Variants in KIRREL3 observed in about 807,000 individuals in gnomAD.
KIRREL3 encodes kirre like nephrin family adhesion molecule 3, also known as kin of IRRE-like protein 3.
In KIRREL3, 36 loss-of-function variants were observed where a neutral mutation model predicts 89.7. The observed-to-expected ratio is 0.40, with a 90% CI of 0.31 to 0.53. The LOEUF (loss-of-function observed/expected upper bound fraction) is 0.53, where lower values mean the gene tolerates loss of function less well. KIRREL3 is among the 20% of genes least tolerant of loss of function. The pLI, the probability that KIRREL3 is intolerant of heterozygous loss-of-function variation, is 0.49. For synonymous variants in KIRREL3, 445 were observed against 441.4 expected, an observed-to-expected ratio of 1.01 and a Z score of -0.10; for missense variants, 864 against 1,056.6, an observed-to-expected ratio of 0.82 and a Z score of 2.53.
rs1414844497 is a variant in KIRREL3 at position 126,427,052 on chromosome 11, C to T, written c.1807-1328G>A. On this transcript the variant is annotated intron_variant, in intron 15 of 16. Coordinates refer to ENST00000525144, the MANE Select transcript of KIRREL3 (RefSeq NM_032531.4). This position sits in a 1 kb window ranked among gnomAD's most constrained non-coding sequence, Gnocchi z 5.3. Reference sequence around the variant, plus strand: ...CTCCCACCTGACACTGAGCTGCCCCCACTCTTGCCTGTGGATTTGGACTAA... The same window carrying T: ...CTCCCACCTGACACTGAGCTGCCCCTACTCTTGCCTGTGGATTTGGACTAA... Among the ~76,000 whole-genome samples, 2 of 152,170 alleles carry T rather than the reference C, an allele frequency of 1.3e-5. No individual in the cohort carries two copies. Among genetic ancestry groups the T allele is most frequent in the East Asian group, 1.9e-4 (1 of 5,196 alleles).
rs1178534798 is a variant in KIRREL3, at chr11:126,943,180, T to A, written c.55+57275A>T. Among the ~76,000 whole-genome samples the A allele has an allele frequency of 6.6e-6, 1 of 152,178 alleles. No homozygotes were observed. Among genetic ancestry groups the A allele is most frequent in the Non-Finnish European group, 1.5e-5 (1 of 68,036 alleles). ...CTCCTGCTCCACTGGGGCCTTCTCTTTGGGGTCTCAGGATTGGCTTTTGAG... is the reference window on the plus strand; with the variant it reads ...CTCCTGCTCCACTGGGGCCTTCTCTATGGGGTCTCAGGATTGGCTTTTGAG... On this transcript the variant is annotated intron_variant, in intron 1 of 16. Coordinates refer to ENST00000525144, the MANE Select transcript of KIRREL3 (RefSeq NM_032531.4). The surrounding 1 kb of genome is among the most constrained non-coding windows in gnomAD (Gnocchi z 4.2).
At chr11:126,913,865 G>A (rs1245429495) in intron 1 of KIRREL3, among the ~76,000 whole-genome samples, 1 of 152,152 alleles carries the variant, frequency 6.6e-6, no homozygotes, top group Non-Finnish European at 1.5e-5. Context: ...GGGTCTGTGT[G>A]GCTGACACCT....
chr11:126,576,526 G>A lies in KIRREL3; in HGVS notation c.56-13614C>T, dbSNP rs968186929. Among the ~76,000 whole-genome samples, 1 of 152,180 alleles carries A rather than the reference G, an allele frequency of 6.6e-6. No individual in the cohort carries two copies. Among genetic ancestry groups the A allele is most frequent in the Admixed American group, 6.5e-5 (1 of 15,274 alleles). ...TTCCCTTACACGTAATTTAGAGGTA[G>A]GAAGTTTCATGTGGGTTTGGGCAAA... On this transcript the variant is annotated intron_variant, in intron 1 of 16. Transcript: ENST00000525144. The surrounding 1 kb of genome is among the most constrained non-coding windows in gnomAD (Gnocchi z 5.4).
Position 126,521,379 on chromosome 11 carries a change from C to A in KIRREL3, c.369G>T (p.Ala123=), listed in dbSNP as rs759753586. The A allele has an allele frequency of 7.0e-6, 11 of 1,561,474 alleles. No homozygotes were observed. Among genetic ancestry groups the A allele is most frequent in the Admixed American group, 1.9e-5 (1 of 52,156 alleles). Reference sequence around the variant, plus strand: ...CCTGGATGGCCTGGCACTCGTACACCGCATCGTCTTGCAGCTCTGCCCTCA... The same window carrying A: ...CCTGGATGGCCTGGCACTCGTACACAGCATCGTCTTGCAGCTCTGCCCTCA... ...KILRAELQDD[A]VYECQAIQAA... is the part of the protein sequence containing the mutation. Residue 123 remains alanine (A), a synonymous_variant, in exon 4 of 17, where the codon GCG becomes GCT. Transcript: ENST00000525144. This position sits in a 1 kb window ranked among gnomAD's most constrained non-coding sequence, Gnocchi z 4.1.
chr11:126,542,153 T>G (rs1939299), intron 2 of KIRREL3, among the ~76,000 whole-genome samples: 1 of 152,202 alleles, frequency 6.6e-6, no homozygotes, highest in Non-Finnish European at 1.5e-5. Flanking sequence ...CGGCGTGCAC[T>G]GAGTGACTCA....
At chr11:126,874,373 G>T (rs2134682059) in intron 1 of KIRREL3, among the ~76,000 whole-genome samples, 1 of 152,330 alleles carries the variant, frequency 6.6e-6, no homozygotes, top group African/African-American at 2.4e-5. Flanking sequence ...AGTGGGGAGA[G>T]CCTTGCAACA....
chr11:126,507,437 T>G (rs1307038729), intron 4 of KIRREL3, among the ~76,000 whole-genome samples: 1 of 152,206 alleles, frequency 6.6e-6, no homozygotes, highest in African/African-American at 2.4e-5. Context: ...AACACCTCCT[T>G]TCCCTAGGAA....
At chr11:126,596,810 A>G (rs762795323) in intron 1 of KIRREL3, among the ~76,000 whole-genome samples, 24 of 152,160 alleles carry the variant, frequency 1.6e-4, no homozygotes, top group Non-Finnish European at 3.2e-4. Context: ...AACTGAATCA[A>G]CCATCCAGCC....
rs1420760544 is a variant in KIRREL3, at chr11:126,495,778, G to A, written c.434-22312C>T. Reference sequence around the variant, plus strand: ...CACCGCTCTCCTTGTAAAAGGCAGTGCTGTGCAGCAGCCTGAGGATCAGGA... The same window carrying A: ...CACCGCTCTCCTTGTAAAAGGCAGTACTGTGCAGCAGCCTGAGGATCAGGA... On this transcript the variant is annotated intron_variant, in intron 4 of 16. Transcript: ENST00000525144. This position sits in a 1 kb window ranked among gnomAD's most constrained non-coding sequence, Gnocchi z 6.5. Among the ~76,000 whole-genome samples the A allele has an allele frequency of 2.0e-5, 3 of 152,204 alleles. No homozygotes were observed. The highest frequency in any genetic ancestry group is 4.4e-5 in the Non-Finnish European group (3 of 68,028).
In KIRREL3 at chr11:126,877,796, A is replaced by G. The variant is rs568196699; in HGVS notation, c.55+122659T>C. Among the ~76,000 whole-genome samples, 31 of 152,350 alleles carry G rather than the reference A, an allele frequency of 2.0e-4. No individual in the cohort carries two copies. In the East Asian group the frequency reaches 2.3e-3, roughly 11 times the overall value. On this transcript the variant is annotated intron_variant, in intron 1 of 16. Coordinates refer to ENST00000525144, the MANE Select transcript of KIRREL3 (RefSeq NM_032531.4). The surrounding 1 kb of genome is among the most constrained non-coding windows in gnomAD (Gnocchi z 4.9). ...GGAACAATGTAACAGAGAAAGTGACATACAGTAGTATGTAATAACAGAAGT... is the reference window on the plus strand; with the variant it reads ...GGAACAATGTAACAGAGAAAGTGACGTACAGTAGTATGTAATAACAGAAGT...
At position 126,905,243 on chromosome 11, in the gene KIRREL3, G is replaced by A. The variant is rs1010157060; in HGVS notation, c.55+95212C>T. ...AAGTCACCTTCCATGGCAAGGGGAG[G>A]GTGGGTGATATTTTTTAGTGAAGGA... On this transcript the variant is annotated intron_variant, in intron 1 of 16. Coordinates refer to ENST00000525144, the MANE Select transcript of KIRREL3 (RefSeq NM_032531.4). The surrounding 1 kb of genome is among the most constrained non-coding windows in gnomAD (Gnocchi z 5.0). Among the ~76,000 whole-genome samples, 1 of 152,106 alleles carries A rather than the reference G, an allele frequency of 6.6e-6. No homozygotes were observed. The highest frequency in any genetic ancestry group is 2.4e-5 in the African/African-American group (1 of 41,408).
chr11:126,752,845 G>A lies in KIRREL3; in HGVS notation c.56-189933C>T, dbSNP rs1057130325. On this transcript the variant is annotated intron_variant, in intron 1 of 16. Coordinates refer to ENST00000525144, the MANE Select transcript of KIRREL3 (RefSeq NM_032531.4). The surrounding 1 kb of genome is among the most constrained non-coding windows in gnomAD (Gnocchi z 4.8). The stretch of plus-strand genomic sequence containing the variant: ...CTGGAAAGGTGGTGTTGGAGGCACG[G>A]AAATGTTGATGGAGAAAAGCCCTCT... 3.2e-4 allele frequency among the ~76,000 whole-genome samples: 48 copies of A among 152,330 alleles called. No homozygotes were observed. The highest frequency in any genetic ancestry group is 1.2e-3 in the Admixed American group (19 of 15,302).
In KIRREL3 at chr11:126,744,455, T is replaced by C. The variant is rs1464651267; in HGVS notation, c.56-181543A>G. On this transcript the variant is annotated intron_variant, in intron 1 of 16. Coordinates refer to ENST00000525144, the MANE Select transcript of KIRREL3 (RefSeq NM_032531.4). The surrounding 1 kb of genome is among the most constrained non-coding windows in gnomAD (Gnocchi z 4.7). The stretch of plus-strand genomic sequence containing the variant: ...GCTGGACTAGACGGGGACAAGGAAA[T>C]GGAGAGGTGGCGCAGGTGCGAAATG... 2.0e-5 allele frequency among the ~76,000 whole-genome samples: 3 copies of C among 151,844 alleles called. No homozygotes were observed. Among genetic ancestry groups the C allele is most frequent in the Non-Finnish European group, 4.4e-5 (3 of 67,976 alleles).
chr11:126,875,662 T>C (rs953176989), intron 1 of KIRREL3, among the ~76,000 whole-genome samples: 4 of 152,258 alleles, frequency 2.6e-5, no homozygotes, highest in African/African-American at 9.6e-5. Flanking sequence ...GTGGGCTTTC[T>C]AGCAAGCATT....
intron 1 of KIRREL3, among the ~76,000 whole-genome samples, chr11:126,962,876 G>A (rs1473711955): frequency 6.6e-6 from 1 of 152,148 alleles, no homozygotes; most frequent in Non-Finnish European, 1.5e-5. Flanking sequence ...CACCAGCAAA[G>A]AGATTATAAC....
rs938881980 is a variant in KIRREL3, at chr11:126,684,322, C to T, written c.56-121410G>A. Among the ~76,000 whole-genome samples, 4 of 152,202 alleles carry T rather than the reference C, an allele frequency of 2.6e-5. No individual in the cohort carries two copies. The highest frequency in any genetic ancestry group is 9.6e-5 in the African/African-American group (4 of 41,462). On this transcript the variant is annotated intron_variant, in intron 1 of 16. Transcript: ENST00000525144. The surrounding 1 kb of genome is among the most constrained non-coding windows in gnomAD (Gnocchi z 4.2). The stretch of plus-strand genomic sequence containing the variant: ...GACTAGATTGGGGCTTTCAACATTG[C>T]TGATATTTTGAACAGCAGAATCCTT...
Position 126,970,773 on chromosome 11 carries a change from A to G in KIRREL3, c.55+29682T>C, listed in dbSNP as rs1949407659. 6.6e-6 allele frequency among the ~76,000 whole-genome samples: 1 copy of G among 152,200 alleles called. No homozygotes were observed. The highest frequency in any genetic ancestry group is 2.1e-4 in the South Asian group (1 of 4,826). Reference sequence around the variant, plus strand: ...GAAGGAACTCCATTTAATTTAGAACATTGCTTCCATGAGAACAAGGTTTTC... The same window carrying G: ...GAAGGAACTCCATTTAATTTAGAACGTTGCTTCCATGAGAACAAGGTTTTC... On this transcript the variant is annotated intron_variant, in intron 1 of 16. Transcript: ENST00000525144. The surrounding 1 kb of genome is among the most constrained non-coding windows in gnomAD (Gnocchi z 4.4).
intron 1 of KIRREL3, among the ~76,000 whole-genome samples, chr11:126,961,163 C>A (rs1400280670): frequency 1.3e-5 from 2 of 152,166 alleles, no homozygotes; most frequent in African/African-American, 4.8e-5. Flanking sequence ...AGCAACCCCA[C>A]AAAGGCTTCT....
chr11:126,681,761 C>T (rs1347930986), intron 1 of KIRREL3: 2 of 387,446 alleles, frequency 5.2e-6, no homozygotes, highest in East Asian at 7.3e-5. Context: ...GTTAACTCCA[C>T]TCCCATTCTC....
Sources: allele counts gnomAD v4.1 joint callset (sites outside exome capture counted in the v4.1 genomes callset), GRCh38; gene constraint gnomAD v4.1.1; non-coding constraint Gnocchi (gnomAD v3.1); transcripts MANE v1.5; gene names NCBI Gene and HGNC (gene_info 2026-07-23, HGNC 2026-07-21).